Variants in DPP6 observed in about 807,000 individuals in gnomAD.
DPP6 encodes dipeptidyl peptidase like 6, also known as A-type potassium channel modulatory protein DPP6.
A neutral mutation model predicts 122.6 loss-of-function variants in DPP6; 69 were observed. That is an observed-to-expected ratio of 0.56 (90% CI 0.46 to 0.69). The LOEUF (loss-of-function observed/expected upper bound fraction) is 0.69. DPP6 is among the 30% of genes least tolerant of loss of function. The probability of loss-of-function intolerance (pLI) is 0.00; values close to 1 mark genes in which losing one functional copy is unlikely to be tolerated. For missense variants in DPP6, 928 were observed against 1,116.9 expected (o/e 0.83, Z 2.41); for synonymous variants, 418 against 433.1 (o/e 0.97, Z 0.43).
intron 1 of DPP6, among the ~76,000 whole-genome samples, chr7:154,257,497 C>A (rs927410889): frequency 2.0e-4 from 30 of 151,976 alleles, no homozygotes; most frequent in African/African-American, 7.0e-4. Context: ...GAGTTCAAGA[C>A]CAGCCTGGCT....
chr7:154,194,091 G>A (rs1049486236), intron 1 of DPP6, among the ~76,000 whole-genome samples: 1 of 152,136 alleles, frequency 6.6e-6, no homozygotes, highest in African/African-American at 2.4e-5. Flanking sequence ...ATAGCCCCAA[G>A]GTATTCCTTA....
chr7:154,665,019 C>T (rs1415214569), intron 6 of DPP6, among the ~76,000 whole-genome samples: 1 of 152,122 alleles, frequency 6.6e-6, no homozygotes, highest in Non-Finnish European at 1.5e-5. Flanking sequence ...CCCCATGCTG[C>T]CTTTAGATGT....
chr7:154,498,818 A>G (rs1437380643), intron 3 of DPP6, among the ~76,000 whole-genome samples: 2 of 152,178 alleles, frequency 1.3e-5, no homozygotes, highest in African/African-American at 4.8e-5. Flanking sequence ...TGCCAGCAGC[A>G]CCCACCACCT....
chr7:154,196,976 T>C lies in DPP6; in HGVS notation c.243+143913T>C, dbSNP rs542954346. Among the ~76,000 whole-genome samples, 4 of 152,182 alleles carry C rather than the reference T, an allele frequency of 2.6e-5. No homozygotes were observed. The East Asian group carries it at 5.8e-4, about 22-fold the overall frequency. ...TCAGATTCCAGTAAAATCTCCCTTCTCCTCTTTAATCTCCAAGTTTCTATG... is the reference window on the plus strand; with the variant it reads ...TCAGATTCCAGTAAAATCTCCCTTCCCCTCTTTAATCTCCAAGTTTCTATG... On this transcript the variant is annotated intron_variant, in intron 1 of 25. Transcript: ENST00000377770.
intron 1 of DPP6, among the ~76,000 whole-genome samples, chr7:154,207,762 CT>C (rs1210973894): frequency 1.3e-5 from 2 of 152,096 alleles, no homozygotes; most frequent in Non-Finnish European, 2.9e-5. Context: ...CCCAGAGAAT[CT>C]TTTTTTGGAA....
chr7:154,881,087 G>C, intron 21 of DPP6, 145 bp downstream of exon 21: 1 of 1,307,848 alleles, frequency 7.6e-7, no homozygotes, highest in Non-Finnish European at 1.0e-6. Flanking sequence ...TGGGTGCTTA[G>C]TGATTCCAGC....
At chr7:154,751,840 G>T (rs891030921) in intron 8 of DPP6, among the ~76,000 whole-genome samples, 14 of 152,064 alleles carry the variant, frequency 9.2e-5, no homozygotes, top group African/African-American at 3.4e-4. Context: ...CATGGCCGGT[G>T]GGGGGTCCCT....
intron 5 of DPP6, among the ~76,000 whole-genome samples, chr7:154,621,408 G>A (rs796987603): frequency 4.6e-5 from 7 of 152,158 alleles, no homozygotes; most frequent in South Asian, 2.1e-4. Context: ...TCACTCTGTC[G>A]CCCAGGCTAG....
chr7:153,940,730 G>T (rs1004086919), intron 1 of DPP6, among the ~76,000 whole-genome samples: 2 of 152,124 alleles, frequency 1.3e-5, no homozygotes, highest in Non-Finnish European at 2.9e-5. Context: ...GCCCACCTGG[G>T]GACTAAGCAG....
chr7:154,519,864 T>G (rs1826829691), intron 3 of DPP6, among the ~76,000 whole-genome samples: 2 of 152,202 alleles, frequency 1.3e-5, no homozygotes, highest in Admixed American at 1.3e-4. Context: ...GTTTTCCCCT[T>G]TCAGAGATCT....
chr7:154,843,868 A>G (rs1023493558), intron 16 of DPP6, among the ~76,000 whole-genome samples: 9 of 152,234 alleles, frequency 5.9e-5, no homozygotes, highest in Admixed American at 3.3e-4. Context: ...TGTACTGGCC[A>G]CATGGCATCA....
chr7:154,017,369 C>T (rs1219428116), intron 1 of DPP6, among the ~76,000 whole-genome samples: 3 of 152,084 alleles, frequency 2.0e-5, no homozygotes, highest in East Asian at 1.9e-4. Context: ...ACTGAGCCAC[C>T]GTGCCCAGTC....
intron 6 of DPP6, among the ~76,000 whole-genome samples, chr7:154,663,522 G>A (rs528000850): frequency 0.02 from 789 of 40,044 alleles, 101 homozygotes; most frequent in Middle Eastern, 0.14. Context: ...ATGGCGTATC[G>A]GCCGTAGTGT....
intron 3 of DPP6, among the ~76,000 whole-genome samples, chr7:154,487,261 A>G (rs1208361008): frequency 6.6e-6 from 1 of 151,640 alleles, no homozygotes; most frequent in Non-Finnish European, 1.5e-5. Flanking sequence ...TTTTTTTCCT[A>G]CTCTGATAAG....
chr7:154,478,066 A>G (rs1345152272), intron 3 of DPP6, among the ~76,000 whole-genome samples: 1 of 152,032 alleles, frequency 6.6e-6, no homozygotes, highest in Non-Finnish European at 1.5e-5. Flanking sequence ...TAAAGAGGCA[A>G]TAGCTTAAAG....
At chr7:153,986,188 G>A (rs1357884879) in intron 1 of DPP6, among the ~76,000 whole-genome samples, 1 of 152,120 alleles carries the variant, frequency 6.6e-6, no homozygotes, top group Admixed American at 6.5e-5. Context: ...ATTGGAAACA[G>A]AAAATAGATA....
At position 154,568,383 on chromosome 7, in the gene DPP6, C is replaced by G. The variant is rs148408845; in HGVS notation, c.627+1467C>G. 3.5e-3 allele frequency among the ~76,000 whole-genome samples: 538 copies of G among 152,362 alleles called. 7 individuals carry two copies. The highest frequency in any genetic ancestry group is 4.0e-3 in the Non-Finnish European group (269 of 68,038). On this transcript the variant is annotated intron_variant, in intron 5 of 25. Coordinates refer to ENST00000377770, the MANE Select transcript of DPP6 (RefSeq NM_130797.4). ...GAAAGACAAATTGATTTCAGGTTAT[C>G]CTCCTAGAGAATCTTTAATCATCGG...
chr7:154,239,992 TAAAAAAA>T (rs763543397), intron 1 of DPP6, among the ~76,000 whole-genome samples: 15 of 50,406 alleles, frequency 3.0e-4, no homozygotes, highest in African/African-American at 7.8e-4. Flanking sequence ...ATGCTGTCTT[TAAAAAAA>T]AAAAAAAAAA....
At chr7:154,575,578 A>G (rs1195216666) in intron 5 of DPP6, among the ~76,000 whole-genome samples, 13 of 117,010 alleles carry the variant, frequency 1.1e-4, no homozygotes, top group African/African-American at 3.9e-4. Flanking sequence ...GTATATGTGT[A>G]TGTGTGAGCG....
Sources: allele counts gnomAD v4.1 joint callset (sites outside exome capture counted in the v4.1 genomes callset), GRCh38; gene constraint gnomAD v4.1.1; transcripts MANE v1.5; gene names NCBI Gene and HGNC (gene_info 2026-07-23, HGNC 2026-07-21).